The following BMERB1 variants were observed in gnomAD, a reference collection of about 807,000 sequenced individuals.
BMERB1 encodes bMERB domain-containing protein 1.
In BMERB1, 12 loss-of-function variants were observed where a neutral mutation model predicts 23.6. The ratio of observed to expected loss-of-function variants is 0.51; its 90% CI spans 0.33 to 0.82. The LOEUF (loss-of-function observed/expected upper bound fraction) is 0.82, where lower values mean the gene tolerates loss of function less well. Among genes scored for constraint, BMERB1 ranks in the 40% least tolerant of loss-of-function variants. The pLI is 0.03. For missense variants in BMERB1, 247 were observed against 255.4 expected (o/e 0.97, Z 0.22); for synonymous variants, 122 against 96.6 (o/e 1.26, Z -1.54).
chr16:15,514,457 G>A (rs1249310454), intron 1 of BMERB1, among the ~76,000 whole-genome samples: 1 of 152,110 alleles, frequency 6.6e-6, no homozygotes, highest in East Asian at 1.9e-4. Flanking sequence ...CCTTAATCAG[G>A]CTTTTGTGAG....
intron 1 of BMERB1, among the ~76,000 whole-genome samples, chr16:15,512,361 G>A (rs2051678808): frequency 6.6e-6 from 1 of 152,206 alleles, no homozygotes; most frequent in African/African-American, 2.4e-5. Flanking sequence ...CTTCAGGGAA[G>A]CCTGCAAATC....
intron 2 of BMERB1, among the ~76,000 whole-genome samples, chr16:15,539,570 A>G (rs997801484): frequency 6.6e-6 from 1 of 152,104 alleles, no homozygotes; most frequent in Non-Finnish European, 1.5e-5. Flanking sequence ...TCGGCCAGGC[A>G]TGGTAGCTCA....
intron 2 of BMERB1, among the ~76,000 whole-genome samples, chr16:15,516,966 A>G (rs2051768522): frequency 1.3e-5 from 2 of 152,166 alleles, no homozygotes; most frequent in Admixed American, 6.6e-5. Context: ...CTGGGACGTT[A>G]TATGACCTTC....
intron 3 of BMERB1, among the ~76,000 whole-genome samples, chr16:15,580,015 C>T (rs753357521): frequency 3.3e-5 from 5 of 152,090 alleles, no homozygotes; most frequent in African/African-American, 4.8e-5. Flanking sequence ...CCTGTCAGCC[C>T]GACACATAGG....
intron 1 of BMERB1, among the ~76,000 whole-genome samples, chr16:15,435,947 A>T (rs1188869838): frequency 6.6e-6 from 1 of 151,494 alleles, no homozygotes; most frequent in Non-Finnish European, 1.5e-5. Flanking sequence ...TCCCTTTTTA[A>T]CCTTGGTCTT....
intron 2 of BMERB1, among the ~76,000 whole-genome samples, chr16:15,561,256 ATT>A (rs35139646): frequency 0.033 from 1,374 of 42,140 alleles, 49 homozygotes; most frequent in African/African-American, 0.14. Flanking sequence ...CACGCCGGCC[ATT>A]TTTTTTTTTT....
At chr16:15,509,222 C>G (rs750336313) in intron 1 of BMERB1, among the ~76,000 whole-genome samples, 3 of 150,632 alleles carry the variant, frequency 2.0e-5, no homozygotes, top group African/African-American at 7.3e-5. Context: ...AACAAGGATA[C>G]TCATATCGTG....
At chr16:15,489,587 C>T (rs1296718019) in intron 1 of BMERB1, among the ~76,000 whole-genome samples, 1 of 152,088 alleles carries the variant, frequency 6.6e-6, no homozygotes, top group Non-Finnish European at 1.5e-5. Context: ...ACCTGAAGAG[C>T]TTACAGCCTG....
At chr16:15,582,253 G>T (rs1470826197) in intron 4 of BMERB1, among the ~76,000 whole-genome samples, 1 of 152,142 alleles carries the variant, frequency 6.6e-6, no homozygotes, top group Non-Finnish European at 1.5e-5. Context: ...ACAGAAATTA[G>T]CCGGGCGTGG....
chr16:15,534,727 A>G (rs2052009780), intron 2 of BMERB1, among the ~76,000 whole-genome samples: 1 of 152,060 alleles, frequency 6.6e-6, no homozygotes, highest in Admixed American at 6.6e-5. Flanking sequence ...CACGGGGTCC[A>G]GTTTCATCAC....
intron 2 of BMERB1, among the ~76,000 whole-genome samples, chr16:15,524,370 A>G (rs1399769453): frequency 6.6e-6 from 1 of 152,200 alleles, no homozygotes; most frequent in Admixed American, 6.5e-5. Flanking sequence ...GAGAGGAGGG[A>G]GAATTTCTAA....
chr16:15,552,267 C>G (rs984894861), intron 2 of BMERB1, among the ~76,000 whole-genome samples: 2 of 152,020 alleles, frequency 1.3e-5, no homozygotes, highest in Non-Finnish European at 2.9e-5. Context: ...TGGTGAAACC[C>G]CGTCTCTACT....
At chr16:15,503,697 A>G (rs1225390922) in intron 1 of BMERB1, among the ~76,000 whole-genome samples, 2 of 152,128 alleles carry the variant, frequency 1.3e-5, no homozygotes, top group Non-Finnish European at 2.9e-5. Flanking sequence ...TACAGCAGCA[A>G]CTTCATGAGG....
At chr16:15,505,887 C>CA (rs754187273) in intron 1 of BMERB1, among the ~76,000 whole-genome samples, 4,013 of 55,304 alleles carry the variant, frequency 0.073, 277 homozygotes, top group African/African-American at 0.17. Context: ...GACGCCGTTT[C>CA]AAAAAAAAAA....
intron 3 of BMERB1, among the ~76,000 whole-genome samples, chr16:15,570,565 G>A (rs1227116222): frequency 6.6e-6 from 1 of 152,090 alleles, no homozygotes; most frequent in Non-Finnish European, 1.5e-5. Context: ...CAATGGTGAT[G>A]TTACCTGAAA....
chr16:15,501,919 G>T (rs1338454311), intron 1 of BMERB1, among the ~76,000 whole-genome samples: 2 of 152,198 alleles, frequency 1.3e-5, no homozygotes, highest in Non-Finnish European at 2.9e-5. Flanking sequence ...TCCACACCCA[G>T]CCTTTTTTAT....
intron 1 of BMERB1, among the ~76,000 whole-genome samples, chr16:15,451,552 C>CTTTTTTTTTTTTTT (rs35544766): frequency 1.2e-5 from 1 of 84,022 alleles, no homozygotes; most frequent in Non-Finnish European, 2.3e-5. Flanking sequence ...CTTAGTATTT[C>CTTTTTTTTTTTTTT]TTTTTTTTTT....
At chr16:15,560,893 C>T (rs1324939249) in intron 2 of BMERB1, among the ~76,000 whole-genome samples, 1 of 151,584 alleles carries the variant, frequency 6.6e-6, no homozygotes, top group East Asian at 1.9e-4. Flanking sequence ...CTTGTTAGCT[C>T]CATTCCTCAG....
intron 1 of BMERB1, among the ~76,000 whole-genome samples, chr16:15,503,969 G>A (rs2051557338): frequency 6.6e-6 from 1 of 152,182 alleles, no homozygotes; most frequent in Non-Finnish European, 1.5e-5. Context: ...GGTCTGCCAC[G>A]AAGCAGGTTC....
Sources: gnomAD v4.1 joint callset for allele counts (sites outside exome capture counted in the v4.1 genomes callset) on GRCh38, gnomAD v4.1.1 for gene constraint, MANE v1.5 for transcripts, NCBI Gene and HGNC (gene_info 2026-07-23, HGNC 2026-07-21) for gene names.